Variants in HVCN1 observed in about 807,000 individuals in gnomAD.
The protein encoded by HVCN1 is hydrogen voltage gated channel 1, also known as voltage-gated hydrogen channel 1.
In HVCN1, 14 loss-of-function variants were observed where a neutral mutation model predicts 29.2. The observed-to-expected ratio is 0.48, with a 90% CI of 0.32 to 0.75. The LOEUF is 0.75. HVCN1 is among the 30% of genes least tolerant of loss of function. HVCN1 has a pLI of 0.04. For missense variants in HVCN1, 263 were observed against 341.8 expected (o/e 0.77, Z 1.82); for synonymous variants, 131 against 133.2 (o/e 0.98, Z 0.11).
intron 3 of HVCN1, among the ~76,000 whole-genome samples, chr12:110,662,287 G>A (rs1336411506): frequency 6.6e-6 from 1 of 152,068 alleles, no homozygotes; most frequent in African/African-American, 2.4e-5. Flanking sequence ...CATCTGAGAT[G>A]CACTTACATG....
At chr12:110,669,389 T>A (rs940075773) in intron 3 of HVCN1, among the ~76,000 whole-genome samples, 1 of 152,092 alleles carries the variant, frequency 6.6e-6, no homozygotes, top group Non-Finnish European at 1.5e-5. Flanking sequence ...TGCAGCGACC[T>A]CCATGCCCAC....
chr12:110,655,145 G>T (rs2136265255), intron 5 of HVCN1, 89 bp downstream of exon 5: 1 of 894,766 alleles, frequency 1.1e-6, no homozygotes. Flanking sequence ...TCCAAGTGGG[G>T]TGTCAGCTGC....
rs1162890420 is a variant in HVCN1 at position 110,666,008 on chromosome 12, CA to C, written c.22-4561del. Among the ~76,000 whole-genome samples, 6 of 109,596 alleles carry C rather than the reference CA, an allele frequency of 5.5e-5. No homozygotes were observed. The East Asian group carries it at 8.0e-4, about 15-fold the overall frequency. 71.9% of individuals were successfully genotyped at this position (109,596 alleles called of 152,430 possible). A position where few individuals can be genotyped will look rare whatever the true frequency, so the allele number is the denominator to read the frequency against. On this transcript the variant is annotated intron_variant, in intron 3 of 7. Transcript: ENST00000242607. The stretch of plus-strand genomic sequence containing the variant: ...GCAACAAGAGTGAATCTCCATCTCA[CA>C]AAAAAAGAAGGAAAAAAAAAAAAAG...
intron 3 of HVCN1, among the ~76,000 whole-genome samples, chr12:110,681,663 TC>T (rs1453411297): frequency 2.0e-5 from 3 of 151,998 alleles, no homozygotes; most frequent in Non-Finnish European, 4.4e-5. Context: ...ACAATCACCA[TC>T]ATCATCATCA....
chr12:110,679,726 G>A (rs979741076), intron 3 of HVCN1, among the ~76,000 whole-genome samples: 10 of 152,122 alleles, frequency 6.6e-5, no homozygotes, highest in Non-Finnish European at 1.2e-4. Flanking sequence ...GGTGGCGGGC[G>A]CCTGTAGTCC....
intron 2 of HVCN1, among the ~76,000 whole-genome samples, chr12:110,699,775 A>G (rs1370161763): frequency 6.6e-6 from 1 of 152,126 alleles, no homozygotes; most frequent in Admixed American, 6.6e-5. Context: ...CACAATGGCC[A>G]TGAGGTAGGC....
chr12:110,655,021 C>T (rs193170473), intron 5 of HVCN1, among the ~76,000 whole-genome samples: 77 of 152,220 alleles, frequency 5.1e-4, no homozygotes, highest in Non-Finnish European at 4.0e-4. Context: ...AGCCTAGCAT[C>T]GCCCAGGATT....
Position 110,661,323 on chromosome 12 carries a change from C to CTCT in HVCN1, c.144_146dup (p.Glu55dup). 1.2e-6 allele frequency: 2 copies of CTCT among 1,614,224 alleles called. No homozygotes were observed. Among genetic ancestry groups the CTCT allele is most frequent in the Non-Finnish European group, 1.7e-6 (2 of 1,180,032 alleles). On this transcript the variant is annotated inframe_insertion, in exon 4 of 8. Transcript: ENST00000242607. The surrounding 1 kb of genome is among the most constrained non-coding windows in gnomAD (Gnocchi z 6.2). Reference sequence around the variant, plus strand: ...GTGGCTGCTCCTCCTCCTCCTCCTCCTCTTCATTCTCCCATTTCTTGTAGT... The same window carrying CTCT: ...GTGGCTGCTCCTCCTCCTCCTCCTCCTCTTCTTCATTCTCCCATTTCTTGTAGT...
At chr12:110,675,990 C>A (rs901902922) in intron 3 of HVCN1, among the ~76,000 whole-genome samples, 1 of 152,176 alleles carries the variant, frequency 6.6e-6, no homozygotes, top group African/African-American at 2.4e-5. Flanking sequence ...AGCAGAGGAG[C>A]AAACTGAAGA....
chr12:110,704,821 C>T (rs1472477968), intron 1 of HVCN1: 1 of 152,308 alleles, frequency 6.6e-6, no homozygotes, highest in Non-Finnish European at 1.5e-5. Context: ...GGGGCCCTGC[C>T]ATTCCTTCTG....
At chr12:110,674,761 T>C (rs1344437964) in intron 3 of HVCN1, among the ~76,000 whole-genome samples, 1 of 152,208 alleles carries the variant, frequency 6.6e-6, no homozygotes, top group Non-Finnish European at 1.5e-5. Context: ...GCCAGCCATA[T>C]GGAACTATAA....
At chr12:110,694,396 C>T (rs922037578), upstream of HVCN1, among the ~76,000 whole-genome samples, 1 of 152,180 alleles carries the variant, frequency 6.6e-6, no homozygotes, top group African/African-American at 2.4e-5. This position sits in a 1 kb window ranked among gnomAD's most constrained non-coding sequence, Gnocchi z 4.6. Context: ...TGAGTACAGC[C>T]CTGGGGGACT....
rs184943409 is a variant in HVCN1 at position 110,702,489 on chromosome 12, A to G, written c.-228-56T>C. 3 of 152,006 alleles carry G rather than the reference A, an allele frequency of 2.0e-5. No homozygotes were observed. The East Asian group carries it at 5.8e-4, about 30-fold the overall frequency. 9.4% of individuals were successfully genotyped at this position (152,006 alleles called of 1,614,324 possible). The stretch of plus-strand genomic sequence containing the variant: ...ATAAACTATTTAATTTATTATTATT[A>G]TTATTATTTTTGAGACAGAGTCTTG... On this transcript the variant is annotated intron_variant, in intron 1 of 4. Coordinates refer to the HVCN1 transcript ENST00000546713.
chr12:110,678,439 CTTTTTTTTTT>C (rs538999674), intron 3 of HVCN1, among the ~76,000 whole-genome samples: 20 of 65,832 alleles, frequency 3.0e-4, no homozygotes, highest in East Asian at 5.0e-4. Flanking sequence ...CATTCTATTT[CTTTTTTTTTT>C]TTTTTTTTTT....
chr12:110,654,470 GCTTT>G (rs1183785151), intron 5 of HVCN1, among the ~76,000 whole-genome samples: 1 of 133,672 alleles, frequency 7.5e-6, no homozygotes, highest in African/African-American at 2.7e-5. Context: ...GGGGGGAAAT[GCTTT>G]TTTTTTTTTT....
At chr12:110,660,998 C>T (rs372143712) in intron 4 of HVCN1, among the ~76,000 whole-genome samples, 166 bp downstream of exon 4, 4 of 152,242 alleles carry the variant, frequency 2.6e-5, no homozygotes, top group South Asian at 2.1e-4. Context: ...ATCTGCCTAC[C>T]GCATTCCCAG....
At chr12:110,686,155 C>T (rs773681371) in intron 2 of HVCN1, among the ~76,000 whole-genome samples, 7 of 151,812 alleles carry the variant, frequency 4.6e-5, no homozygotes, top group Non-Finnish European at 1.0e-4. Context: ...CCCACCACCA[C>T]GCCCAGCTAA....
intron 2 of HVCN1, among the ~76,000 whole-genome samples, chr12:110,702,154 TAGAAGAAGAC>T (rs990438240): frequency 6.6e-6 from 1 of 151,922 alleles, no homozygotes; most frequent in African/African-American, 2.4e-5. Flanking sequence ...AGTAATGATC[TAGAAGAAGAC>T]AGAAGAAACC....
chr12:110,655,190 G>T, intron 5 of HVCN1, 44 bp downstream of exon 5: 2 of 1,475,704 alleles, frequency 1.4e-6, no homozygotes, highest in Non-Finnish European at 1.9e-6. Flanking sequence ...GATAACACAA[G>T]CAAAACATAT....
Sources: gnomAD v4.1 joint callset for allele counts (sites outside exome capture counted in the v4.1 genomes callset) on GRCh38, gnomAD v4.1.1 for gene constraint, Gnocchi (gnomAD v3.1) non-coding constraint, MANE v1.5 for transcripts, NCBI Gene and HGNC (gene_info 2026-07-23, HGNC 2026-07-21) for gene names.